The following DNAJC11 variants were observed in gnomAD, a reference collection of about 807,000 sequenced individuals.
The protein encoded by DNAJC11 is dnaJ homolog subfamily C member 11.
DNAJC11 carries 15 observed loss-of-function variants against 78.6 expected under a neutral mutation model. The ratio of observed to expected loss-of-function variants is 0.19; its 90% CI spans 0.13 to 0.29. DNAJC11 has a LOEUF of 0.29. Among genes scored for constraint, DNAJC11 ranks in the 10% least tolerant of loss-of-function variants. The pLI, the probability that DNAJC11 is intolerant of heterozygous loss-of-function variation, is 1.00. For missense variants in DNAJC11, 547 were observed against 709.6 expected (o/e 0.77, Z 2.60); for synonymous variants, 292 against 272.1 (o/e 1.07, Z -0.72).
chr1:6,664,391 C>T (rs1642264900), intron 4 of DNAJC11, among the ~76,000 whole-genome samples: 1 of 152,050 alleles, frequency 6.6e-6, no homozygotes, highest in Non-Finnish European at 1.5e-5. Flanking sequence ...AGGCGCCTGC[C>T]ACCACACCCG....
intron 1 of DNAJC11, among the ~76,000 whole-genome samples, chr1:6,693,059 CCA>C (rs1455369686): frequency 6.6e-6 from 1 of 151,820 alleles, no homozygotes; most frequent in African/African-American, 2.4e-5. Flanking sequence ...GCGAGCATCA[CCA>C]CACCCGGCTA....
Position 6,637,594 on chromosome 1 carries a change from G to A in DNAJC11, c.1324-90C>T, listed in dbSNP as rs527889556. ...GCCACAGGCAGGCAGTCTTGTCCAC[G>A]TCAACATACTTGCTCAGGGCCTGGA... On this transcript the variant is annotated intron_variant, in intron 12 of 15. Transcript: ENST00000377577. 223 of 1,428,762 alleles carry A rather than the reference G, an allele frequency of 1.6e-4. 1 individual carries two copies. Among genetic ancestry groups the A allele is most frequent in the African/African-American group, 1.0e-3 (72 of 71,310 alleles). 88.5% of individuals were successfully genotyped at this position (1,428,762 alleles called of 1,614,324 possible). A position where few individuals can be genotyped will look rare whatever the true frequency, so the allele number is the denominator to read the frequency against.
At position 6,635,465 on chromosome 1, in the gene DNAJC11, G is replaced by A. The variant is rs1353389973; in HGVS notation, c.*210C>T. 1.8e-6 allele frequency: 1 copy of A among 559,010 alleles called. No individual in the cohort carries two copies. The highest frequency in any genetic ancestry group is 2.4e-5 in the South Asian group (1 of 41,972). The allele number at this position is 559,010 out of a possible 1,614,324, so 34.6% of individuals were successfully genotyped here. On this transcript the variant is annotated 3_prime_UTR_variant, in exon 16 of 16. Transcript: ENST00000377577. Reference sequence around the variant, plus strand: ...ACAGCCATGGGCCAGGCTGCAGTCTGGTTCCCAGTGGGGCTGCCTCAGTCC... The same window carrying A: ...ACAGCCATGGGCCAGGCTGCAGTCTAGTTCCCAGTGGGGCTGCCTCAGTCC...
In DNAJC11 at chr1:6,653,003, A is replaced by C. The variant is rs773415665; in HGVS notation, c.508-52T>G. On this transcript the variant is annotated intron_variant, in intron 5 of 15. Transcript: ENST00000377577. The surrounding 1 kb of genome is among the most constrained non-coding windows in gnomAD (Gnocchi z 4.5). ...ATGAATCAAAACAACAGGAAGTGCC[A>C]ATGGCAGCAGCCTAAAGAACGCACT... 1 of 1,611,014 alleles carries C rather than the reference A, an allele frequency of 6.2e-7. No homozygotes were observed. Among genetic ancestry groups the C allele is most frequent in the South Asian group, 1.1e-5 (1 of 90,922 alleles).
chr1:6,660,526 G>A (rs767682758), intron 4 of DNAJC11, among the ~76,000 whole-genome samples: 48 of 152,138 alleles, frequency 3.2e-4, no homozygotes, highest in Non-Finnish European at 5.7e-4. Context: ...CAGCTTCATG[G>A]CAGGATTAGG....
chr1:6,677,347 T>C (rs1313755662), intron 3 of DNAJC11, among the ~76,000 whole-genome samples: 1 of 152,030 alleles, frequency 6.6e-6, no homozygotes, highest in African/African-American at 2.4e-5. Flanking sequence ...CGTTAGAGTG[T>C]AGTGGCGTGA....
At chr1:6,663,262 T>C (rs1225748122) in intron 4 of DNAJC11, among the ~76,000 whole-genome samples, 1 of 152,006 alleles carries the variant, frequency 6.6e-6, no homozygotes, top group African/African-American at 2.4e-5. Context: ...TAAAGCAATA[T>C]ATGCCCGCAG....
At position 6,634,575 on chromosome 1, in the gene DNAJC11, T is replaced by C. The variant is rs775558318; in HGVS notation, c.*1100A>G. ...GCTCCGAGGGGTCAGCAAGAGCAAC[T>C]GATGGCTGCCACTTCCAGGCCCCGA... On this transcript the variant is annotated 3_prime_UTR_variant, in exon 16 of 16. Transcript: ENST00000377577. 1.3e-5 allele frequency: 18 copies of C among 1,365,860 alleles called. No homozygotes were observed. The South Asian group carries it at 1.5e-4, about 11-fold the overall frequency. The allele number at this position is 1,365,860 out of a possible 1,614,324, so 84.6% of individuals were successfully genotyped here.
At chr1:6,688,117 T>C (rs1642686263) in intron 1 of DNAJC11, among the ~76,000 whole-genome samples, 1 of 152,192 alleles carries the variant, frequency 6.6e-6, no homozygotes, top group Non-Finnish European at 1.5e-5. Flanking sequence ...AAGAGGAAGA[T>C]AATCAATATC....
At position 6,635,426 on chromosome 1, in the gene DNAJC11, T is replaced by TG; in HGVS notation, c.*248dup. ...GGCCAGAGCCCTTCCCTCCAGGAAC[T>TG]GATCCTTGGGAAAACAGCCATGGGC... On this transcript the variant is annotated 3_prime_UTR_variant, in exon 16 of 16. Transcript: ENST00000377577. 1 of 490,754 alleles carries TG rather than the reference T, an allele frequency of 2.0e-6. No individual in the cohort carries two copies. Among genetic ancestry groups the TG allele is most frequent in the South Asian group, 2.6e-5 (1 of 38,452 alleles). 30.4% of individuals were successfully genotyped at this position (490,754 alleles called of 1,614,324 possible).
chr1:6,695,192 G>A (rs1642815892), intron 1 of DNAJC11, among the ~76,000 whole-genome samples: 1 of 150,550 alleles, frequency 6.6e-6, no homozygotes, highest in South Asian at 2.1e-4. Flanking sequence ...ATGGAGTCTT[G>A]CTACGTTATG....
At chr1:6,674,590 G>A (rs1034043316) in intron 3 of DNAJC11, among the ~76,000 whole-genome samples, 1 of 151,912 alleles carries the variant, frequency 6.6e-6, no homozygotes, top group Non-Finnish European at 1.5e-5. Context: ...TTAGCAGGGC[G>A]TGGTGATGCA....
chr1:6,636,215 A>C lies in DNAJC11; in HGVS notation c.1556T>G (p.Val519Gly). The change falls in exon 15 of 16, where the codon GTG becomes GGG. Residue 519 changes from valine to glycine, a missense_variant. By Grantham distance (109) the Val-to-Gly change is moderately radical (BLOSUM62 -3). Transcript: ENST00000377577. ...AGLPGFYDPC[V>G]GEEKNLKVLY... ...CACTTTCAGGTTCTTCTCTTCCCCC[A>C]CACACGGGTCATAAAAGCCAGGCAG... The C allele has an allele frequency of 6.2e-7, 1 of 1,614,068 alleles. No individual in the cohort carries two copies.
chr1:6,681,016 C>G lies in DNAJC11; in HGVS notation c.94G>C (p.Ala32Pro). ...AGCATACAGAGCCTCCGGTAGGCAG[C>G]TTTCAGCTCTTCAGAAGAGGCCTAA... is the stretch of plus-strand genomic sequence containing the variant. ...RREASSEELK[A>P]AYRRLCMLYH... The change falls in exon 2 of 16, where the codon GCT (alanine) becomes CCT (proline). Residue 32 changes from alanine (A) to proline (P), a missense_variant. Physicochemically the swap from Ala to Pro is conservative, Grantham distance 27. Coordinates refer to ENST00000377577, the MANE Select transcript of DNAJC11 (RefSeq NM_018198.4). 6.2e-7 allele frequency: 1 copy of G among 1,613,232 alleles called. No individual in the cohort carries two copies. Among genetic ancestry groups the G allele is most frequent in the Non-Finnish European group, 8.5e-7 (1 of 1,179,520 alleles).
rs750943024 is a variant in DNAJC11, at chr1:6,637,529, G to A, written c.1324-25C>T. Reference sequence around the variant, plus strand: ...CCTGCCAGAGAACAAGGATGACACAGTCAGGGCCCTGCCAGGCCTGTTCCA... The same window carrying A: ...CCTGCCAGAGAACAAGGATGACACAATCAGGGCCCTGCCAGGCCTGTTCCA... On this transcript the variant is annotated intron_variant, in intron 12 of 15. Transcript: ENST00000377577. 5.0e-6 allele frequency: 8 copies of A among 1,613,992 alleles called. No individual in the cohort carries two copies. In the South Asian group the frequency reaches 7.7e-5, roughly 16 times the overall value.
intron 3 of DNAJC11, 44 bp from the exon 4 acceptor site, chr1:6,667,854 G>A: frequency 6.3e-7 from 1 of 1,576,150 alleles, no homozygotes; most frequent in Non-Finnish European, 8.7e-7. Flanking sequence ...GGACCCAGGA[G>A]GTAAGGGAAA....
In DNAJC11 at chr1:6,699,570, G is replaced by GA. The variant is rs35311146; in HGVS notation, c.72+2158dup. ...TTTATTGCTTGACTTCTAAAAACTG[G>GA]AAAAAAAGTATAACTAGCCAGACAT... is the stretch of plus-strand genomic sequence containing the variant. On this transcript the variant is annotated intron_variant, in intron 1 of 15. Transcript: ENST00000377577. Among the ~76,000 whole-genome samples the GA allele has an allele frequency of 2.9e-3, 434 of 152,030 alleles. 1 individual carries two copies. The highest frequency in any genetic ancestry group is 4.6e-3 in the Non-Finnish European group (314 of 67,958).
Position 6,635,594 on chromosome 1 carries a change from T to G in DNAJC11, c.*81A>C. The G allele has an allele frequency of 7.0e-7, 1 of 1,420,668 alleles. No individual in the cohort carries two copies. The highest frequency in any genetic ancestry group is 9.8e-7 in the Non-Finnish European group (1 of 1,015,774). The allele number at this position is 1,420,668 out of a possible 1,614,324, so 88.0% of individuals were successfully genotyped here. On this transcript the variant is annotated 3_prime_UTR_variant, in exon 16 of 16. Coordinates refer to ENST00000377577, the MANE Select transcript of DNAJC11 (RefSeq NM_018198.4). The stretch of plus-strand genomic sequence containing the variant: ...TAATATAAAATAAAAACATCTGATG[T>G]CTGGGTTTTTTCATTTCCAAATTTG...
intron 3 of DNAJC11, among the ~76,000 whole-genome samples, chr1:6,668,374 C>T (rs1021640961): frequency 1.3e-5 from 2 of 152,158 alleles, no homozygotes; most frequent in African/African-American, 4.8e-5. Flanking sequence ...CTCCTGACCT[C>T]GTGATCCACC....
Sources: allele counts gnomAD v4.1 joint callset (sites outside exome capture counted in the v4.1 genomes callset), GRCh38; gene constraint gnomAD v4.1.1; non-coding constraint Gnocchi (gnomAD v3.1); transcripts MANE v1.5; gene names NCBI Gene and HGNC (gene_info 2026-07-23, HGNC 2026-07-21).